Variants in AUTS2 observed in about 807,000 individuals in gnomAD.
The protein encoded by AUTS2 is autism susceptibility gene 2 protein.
Under a neutral mutation model 112.4 loss-of-function variants are expected in AUTS2, and 17 were observed. The observed-to-expected ratio is 0.15, with a 90% CI of 0.10 to 0.23. The LOEUF (loss-of-function observed/expected upper bound fraction) is 0.23. Among genes scored for constraint, AUTS2 ranks in the 10% least tolerant of loss-of-function variants. The pLI, the probability that AUTS2 is intolerant of heterozygous loss-of-function variation, is 1.00. For synonymous variants in AUTS2, 751 were observed against 702.7 expected, an observed-to-expected ratio of 1.07 and a Z score of -1.09; for missense variants, 1,510 against 1,701.6, an observed-to-expected ratio of 0.89 and a Z score of 1.98.
intron 2 of AUTS2, among the ~76,000 whole-genome samples, chr7:69,957,290 T>C (rs957971740): frequency 6.6e-6 from 1 of 151,884 alleles, no homozygotes; most frequent in African/African-American, 2.4e-5. Flanking sequence ...ATGAGCTCCT[T>C]ATCAACCGCA....
At chr7:69,732,034 C>T (rs1270876274) in intron 1 of AUTS2, among the ~76,000 whole-genome samples, 2 of 151,968 alleles carry the variant, frequency 1.3e-5, no homozygotes, top group African/African-American at 2.4e-5. Context: ...CCTCACTAGC[C>T]TAGTATCACA....
At chr7:69,971,652 A>C (rs1013255101) in intron 2 of AUTS2, among the ~76,000 whole-genome samples, 4 of 152,094 alleles carry the variant, frequency 2.6e-5, no homozygotes, top group African/African-American at 9.7e-5. Context: ...ATATGCAATC[A>C]CTTTTCTCCA....
chr7:69,876,823 G>C (rs1221894864), intron 1 of AUTS2, among the ~76,000 whole-genome samples: 3 of 152,008 alleles, frequency 2.0e-5, no homozygotes, highest in African/African-American at 7.2e-5. Context: ...AGAAAAACAT[G>C]TGTTGGTGAG....
chr7:69,792,242 T>G (rs953060217), intron 1 of AUTS2, among the ~76,000 whole-genome samples: 1 of 137,292 alleles, frequency 7.3e-6, no homozygotes, highest in Non-Finnish European at 1.6e-5. Context: ...GTTTTTTTTT[T>G]GTTTTGTTTT....
At chr7:70,592,499 T>C (rs1268152221) in intron 5 of AUTS2, among the ~76,000 whole-genome samples, 1 of 152,044 alleles carries the variant, frequency 6.6e-6, no homozygotes, top group East Asian at 1.9e-4. Context: ...AGTAGCTGGA[T>C]TACAAGTGTG....
chr7:70,596,903 G>C (rs949071833), intron 5 of AUTS2: 2 of 152,146 alleles, frequency 1.3e-5, no homozygotes, highest in Admixed American at 1.3e-4. Flanking sequence ...TTACTAACCA[G>C]GAAAATGAGT....
intron 2 of AUTS2, among the ~76,000 whole-genome samples, chr7:69,919,872 C>T (rs1795739677): frequency 6.6e-6 from 1 of 152,166 alleles, no homozygotes; most frequent in African/African-American, 2.4e-5. Context: ...CAAAGAACAA[C>T]ACCTCAAGAG....
intron 1 of AUTS2, among the ~76,000 whole-genome samples, chr7:69,896,375 C>T (rs946529813): frequency 1.1e-4 from 17 of 152,186 alleles, no homozygotes; most frequent in African/African-American, 3.4e-4. Context: ...GAGGGTTAAT[C>T]GTCTGCAGTG....
intron 5 of AUTS2, among the ~76,000 whole-genome samples, chr7:70,521,910 T>G (rs1248205584): frequency 6.6e-6 from 1 of 152,126 alleles, no homozygotes; most frequent in Admixed American, 6.5e-5. Flanking sequence ...ATCTATAAAA[T>G]GAGGCTAATA....
At chr7:69,864,913 G>A (rs771468332) in intron 1 of AUTS2, among the ~76,000 whole-genome samples, 1 of 152,108 alleles carries the variant, frequency 6.6e-6, no homozygotes, top group African/African-American at 2.4e-5. Context: ...GTGTAGGATC[G>A]TATTTTACTT....
intron 4 of AUTS2, among the ~76,000 whole-genome samples, chr7:70,366,727 T>C (rs1315852460): frequency 6.6e-6 from 1 of 152,056 alleles, no homozygotes; most frequent in Non-Finnish European, 1.5e-5. Flanking sequence ...TTAGAGGTGA[T>C]AGTGGATAGA....
At chr7:69,863,111 G>A (rs1793067176) in intron 1 of AUTS2, among the ~76,000 whole-genome samples, 1 of 152,058 alleles carries the variant, frequency 6.6e-6, no homozygotes, top group Non-Finnish European at 1.5e-5. Context: ...ATACACATAT[G>A]TGTATATTTG....
intron 5 of AUTS2, among the ~76,000 whole-genome samples, chr7:70,471,298 A>G (rs1797371700): frequency 6.6e-6 from 1 of 152,060 alleles, no homozygotes; most frequent in Admixed American, 6.5e-5. Context: ...GAAAAGGGGA[A>G]AAAAAAGGCA....
intron 2 of AUTS2, among the ~76,000 whole-genome samples, chr7:69,933,863 G>T (rs1462049649): frequency 2.0e-5 from 3 of 152,002 alleles, no homozygotes; most frequent in African/African-American, 7.3e-5. Flanking sequence ...TGAAACCTTT[G>T]TTCTTTCCCA....
chr7:70,018,448 G>A (rs1213247087), intron 2 of AUTS2, among the ~76,000 whole-genome samples: 1 of 152,160 alleles, frequency 6.6e-6, no homozygotes, highest in Admixed American at 6.5e-5. Context: ...TGTAAATGAA[G>A]AAACCAAGAG....
rs543981737 is a variant in AUTS2 at position 70,127,160 on chromosome 7, ATTC to A, written c.625-7373_625-7371del. Among the ~76,000 whole-genome samples, 373 of 151,786 alleles carry A rather than the reference ATTC, an allele frequency of 2.5e-3. 3 individuals carry two copies. The highest frequency in any genetic ancestry group is 8.5e-3 in the African/African-American group (353 of 41,360). On this transcript the variant is annotated intron_variant, in intron 3 of 18. Coordinates refer to ENST00000342771, the MANE Select transcript of AUTS2 (RefSeq NM_015570.4). ...CTTTCAAATCTTCCTACCTTTGCTT[ATTC>A]TTTTTATTTATTTAAAATGAATTGC...
chr7:70,255,791 C>T (rs940803095), intron 4 of AUTS2, among the ~76,000 whole-genome samples: 2 of 152,070 alleles, frequency 1.3e-5, no homozygotes, highest in African/African-American at 4.8e-5. Context: ...GCACTATTGA[C>T]CTTGTGTTGT....
chr7:69,652,493 A>G (rs954105113), intron 1 of AUTS2, among the ~76,000 whole-genome samples: 1 of 151,072 alleles, frequency 6.6e-6, no homozygotes, highest in African/African-American at 2.4e-5. Flanking sequence ...AGAATAAAGC[A>G]CTTTGGAACT....
chr7:70,416,641 C>A (rs1481028437), intron 4 of AUTS2, among the ~76,000 whole-genome samples: 1 of 152,228 alleles, frequency 6.6e-6, no homozygotes, highest in African/African-American at 2.4e-5. Context: ...ATGAACCTGT[C>A]CGGCAACCCA....
Sources: allele counts gnomAD v4.1 joint callset (sites outside exome capture counted in the v4.1 genomes callset), GRCh38; gene constraint gnomAD v4.1.1; transcripts MANE v1.5; gene names NCBI Gene and HGNC (gene_info 2026-07-23, HGNC 2026-07-21).